RALGAPA1: variants seen among roughly 807,000 people sequenced by gnomAD.
The protein encoded by RALGAPA1 is Ral GTPase activating protein catalytic subunit alpha 1, also known as ral GTPase-activating protein subunit alpha-1.
RALGAPA1 carries 52 observed loss-of-function variants against 269.6 expected under a neutral mutation model. The observed-to-expected ratio is 0.19, with a 90% CI of 0.15 to 0.24. The LOEUF (loss-of-function observed/expected upper bound fraction) is 0.24, where lower values mean the gene tolerates loss of function less well. Among genes scored for constraint, RALGAPA1 ranks in the 10% least tolerant of loss-of-function variants. RALGAPA1 has a pLI of 1.00. For missense variants in RALGAPA1, 1,917 were observed against 3,013.9 expected, an observed-to-expected ratio of 0.64 and a Z score of 8.52; for synonymous variants, 817 against 1,008.3, an observed-to-expected ratio of 0.81 and a Z score of 3.60.
At chr14:35,805,787 C>A (rs987424398) in intron 1 of RALGAPA1, among the ~76,000 whole-genome samples, 2 of 151,148 alleles carry the variant, frequency 1.3e-5, no homozygotes, top group Non-Finnish European at 2.9e-5. Flanking sequence ...CAGGTTCACG[C>A]GATTCTCCTG....
chr14:35,724,967 C>T (rs2069756094), intron 14 of RALGAPA1, 57 bp downstream of exon 14: 1 of 1,351,338 alleles, frequency 7.4e-7, no homozygotes, highest in African/African-American at 1.5e-5. Context: ...AACAACAAAA[C>T]AAAACAAAAC....
chr14:35,697,350 G>T (rs2066985122), intron 17 of RALGAPA1, among the ~76,000 whole-genome samples: 1 of 151,244 alleles, frequency 6.6e-6, no homozygotes, highest in Admixed American at 6.6e-5. Flanking sequence ...GTTTTGTTTT[G>T]TTTTGTTTTT....
chr14:35,681,420 T>C (rs527928841), intron 21 of RALGAPA1, among the ~76,000 whole-genome samples: 38 of 152,334 alleles, frequency 2.5e-4, no homozygotes, highest in African/African-American at 8.7e-4. Context: ...TAAAATTTCT[T>C]AGAAGTTAAT....
chr14:35,790,134 T>C (rs1342038135), intron 1 of RALGAPA1, among the ~76,000 whole-genome samples: 1 of 151,556 alleles, frequency 6.6e-6, no homozygotes, highest in Non-Finnish European at 1.5e-5. Context: ...GCACCTGTGG[T>C]CCCAGTTACT....
chr14:35,793,384 T>C (rs1004470621), intron 1 of RALGAPA1, among the ~76,000 whole-genome samples: 4 of 151,984 alleles, frequency 2.6e-5, no homozygotes, highest in Non-Finnish European at 5.9e-5. Flanking sequence ...ATTACAGGCA[T>C]GCACCACCAT....
chr14:35,562,908 C>T (rs866111639), intron 39 of RALGAPA1, among the ~76,000 whole-genome samples: 6 of 150,472 alleles, frequency 4.0e-5, no homozygotes, highest in Admixed American at 2.7e-4. Context: ...GTAGTCCCAG[C>T]GACTCGGGAG....
chr14:35,804,851 C>T lies in RALGAPA1; in HGVS notation c.106+3879G>A, dbSNP rs117088016. On this transcript the variant is annotated intron_variant, in intron 1 of 41. Coordinates refer to ENST00000680220, the MANE Select transcript of RALGAPA1 (RefSeq NM_001346249.2). ...GGTAGAGGAAGGAGGATCGCTGGAC[C>T]CTGAAAGGTCAAGGCTGCAATGAGC... Among the ~76,000 whole-genome samples, 6 of 151,906 alleles carry T rather than the reference C, an allele frequency of 3.9e-5. No homozygotes were observed. In the East Asian group the frequency reaches 1.2e-3, roughly 29 times the overall value.
intron 12 of RALGAPA1, among the ~76,000 whole-genome samples, chr14:35,732,450 AAGAT>A (rs2070585068): frequency 6.6e-6 from 1 of 152,216 alleles, no homozygotes; most frequent in African/African-American, 2.4e-5. Context: ...CTCCACTTAA[AAGAT>A]AGAGAACTGT....
chr14:35,659,027 CA>C, intron 28 of RALGAPA1, 110 bp downstream of exon 28: 1 of 558,020 alleles, frequency 1.8e-6, no homozygotes, highest in Non-Finnish European at 2.9e-6. Flanking sequence ...AATTGTAATT[CA>C]GAATGGCTTT....
intron 17 of RALGAPA1, among the ~76,000 whole-genome samples, chr14:35,696,180 C>T (rs557959656): frequency 5.9e-5 from 9 of 152,112 alleles, no homozygotes; most frequent in South Asian, 4.2e-4. Context: ...ATCACTTGAG[C>T]CCAGGAGTTT....
At chr14:35,565,890 T>C (rs966167169) in intron 39 of RALGAPA1, among the ~76,000 whole-genome samples, 1 of 152,142 alleles carries the variant, frequency 6.6e-6, no homozygotes, top group African/African-American at 2.4e-5. Flanking sequence ...AATAGAATCA[T>C]GATGGCTGAG....
At chr14:35,643,557 C>A (rs2062176509) in intron 31 of RALGAPA1, among the ~76,000 whole-genome samples, 1 of 152,124 alleles carries the variant, frequency 6.6e-6, no homozygotes, top group African/African-American at 2.4e-5. Context: ...GAAAGGAAAT[C>A]AGCATATCTA....
chr14:35,597,818 G>A (rs1355724622), intron 36 of RALGAPA1, among the ~76,000 whole-genome samples: 1 of 152,166 alleles, frequency 6.6e-6, no homozygotes, highest in Non-Finnish European at 1.5e-5. Flanking sequence ...CTTTTCAAGT[G>A]TTTGGAGATT....
At chr14:35,628,202 A>G (rs910543594) in intron 33 of RALGAPA1, among the ~76,000 whole-genome samples, 2 of 152,170 alleles carry the variant, frequency 1.3e-5, no homozygotes, top group Non-Finnish European at 2.9e-5. Context: ...TATATAGATC[A>G]CTTTGAAGAA....
At chr14:35,540,906 A>T (rs1403802196) in intron 41 of RALGAPA1, among the ~76,000 whole-genome samples, 1 of 152,194 alleles carries the variant, frequency 6.6e-6, no homozygotes, top group East Asian at 1.9e-4. Context: ...TAGCACTTTC[A>T]TATCTATGAA....
chr14:35,777,343 T>C (rs2075114062), intron 1 of RALGAPA1, among the ~76,000 whole-genome samples: 1 of 152,234 alleles, frequency 6.6e-6, no homozygotes, highest in Admixed American at 6.5e-5. Flanking sequence ...CATGTACTTA[T>C]GCATATGTAT....
intron 35 of RALGAPA1, among the ~76,000 whole-genome samples, chr14:35,609,594 A>C (rs918793469): frequency 1.7e-4 from 26 of 152,326 alleles, no homozygotes; most frequent in African/African-American, 6.3e-4. Context: ...AAGAACAAAA[A>C]GTTTTAAAAA....
chr14:35,768,922 C>T (rs1200713299), intron 4 of RALGAPA1, among the ~76,000 whole-genome samples: 2 of 141,924 alleles, frequency 1.4e-5, no homozygotes, highest in Admixed American at 7.3e-5. Context: ...GCAGGAAGAT[C>T]GCTTGAATCT....
rs758060460 is a variant in RALGAPA1, at chr14:35,716,195, A to C, written c.2266+5493T>G. 552 of 441,452 alleles carry C rather than the reference A, an allele frequency of 1.3e-3. 1 individual carries two copies. Among genetic ancestry groups the C allele is most frequent in the South Asian group, 2.0e-3 (21 of 10,434 alleles). 27.3% of individuals were successfully genotyped at this position (441,452 alleles called of 1,614,324 possible). On this transcript the variant is annotated intron_variant, in intron 16 of 41. Coordinates refer to ENST00000680220, the MANE Select transcript of RALGAPA1 (RefSeq NM_001346249.2). ...GATCACTTGAGGTCAGGAGTTCAAG[A>C]CCAGCCTGGTCAACATGGTGAAACC...
Sources: gnomAD v4.1 joint callset for allele counts (sites outside exome capture counted in the v4.1 genomes callset) on GRCh38, gnomAD v4.1.1 for gene constraint, MANE v1.5 for transcripts, NCBI Gene and HGNC (gene_info 2026-07-23, HGNC 2026-07-21) for gene names.